NLGN1: variants seen among roughly 807,000 people sequenced by gnomAD.
The protein encoded by NLGN1 is neuroligin-1.
In NLGN1, 12 loss-of-function variants were observed where a neutral mutation model predicts 65.5. That is an observed-to-expected ratio of 0.18 (90% confidence interval 0.12 to 0.30). The LOEUF (loss-of-function observed/expected upper bound fraction) is 0.30, where lower values mean the gene tolerates loss of function less well. NLGN1 is among the 10% of genes least tolerant of loss of function. NLGN1 has a pLI of 1.00. For missense variants in NLGN1, 750 were observed against 1,007.1 expected, an observed-to-expected ratio of 0.74 and a Z score of 3.46; for synonymous variants, 350 against 359.5, an observed-to-expected ratio of 0.97 and a Z score of 0.30.
Position 173,758,057 on chromosome 3 carries a change from C to T in NLGN1, c.494-49623C>T, listed in dbSNP as rs550156235. ...GAAGGCAGTTAAGATTGTATGAGGT[C>T]GTAAGAGTAGGGTCCTTATCTGAAA... On this transcript the variant is annotated intron_variant, in intron 3 of 6. Transcript: ENST00000457714. Among the ~76,000 whole-genome samples, 123 of 151,892 alleles carry T rather than the reference C, an allele frequency of 8.1e-4. 1 individual carries two copies. Among genetic ancestry groups the T allele is most frequent in the African/African-American group, 2.9e-3 (121 of 41,462 alleles).
chr3:173,506,160 C>A (rs1182435263), intron 2 of NLGN1, among the ~76,000 whole-genome samples: 1 of 151,870 alleles, frequency 6.6e-6, no homozygotes, highest in Non-Finnish European at 1.5e-5. Flanking sequence ...TTTCCTTTGG[C>A]AAAAGGAATT....
intron 4 of NLGN1, among the ~76,000 whole-genome samples, chr3:174,003,191 G>T (rs1723653200): frequency 6.6e-6 from 1 of 152,128 alleles, no homozygotes. Context: ...TTATTCAGAA[G>T]AATAATATCA....
intron 4 of NLGN1, among the ~76,000 whole-genome samples, chr3:173,889,779 T>C (rs1264269486): frequency 6.8e-6 from 1 of 146,968 alleles, no homozygotes; most frequent in South Asian, 2.1e-4. Flanking sequence ...TTAATTCAGA[T>C]GCATCCAAAA....
intron 4 of NLGN1, among the ~76,000 whole-genome samples, chr3:173,843,354 C>T (rs182051178): frequency 1.3e-5 from 2 of 152,348 alleles, no homozygotes; most frequent in East Asian, 1.9e-4. Flanking sequence ...CTCCTGGTTA[C>T]TTATGCAAAT....
At chr3:173,688,444 CCT>C (rs1381606017) in intron 3 of NLGN1, among the ~76,000 whole-genome samples, 1 of 152,110 alleles carries the variant, frequency 6.6e-6, no homozygotes, top group Admixed American at 6.5e-5. Flanking sequence ...ACTTTGTATT[CCT>C]CTGAGTGCTG....
intron 3 of NLGN1, chr3:173,789,745 A>G: frequency 2.3e-6 from 1 of 435,380 alleles, no homozygotes; most frequent in Non-Finnish European, 4.6e-6. Flanking sequence ...CAATCTGGGC[A>G]TAATGTACGG....
At chr3:173,550,307 A>G (rs1740621718) in intron 2 of NLGN1, among the ~76,000 whole-genome samples, 1 of 152,066 alleles carries the variant, frequency 6.6e-6, no homozygotes, top group Non-Finnish European at 1.5e-5. Flanking sequence ...TGATTAGATA[A>G]TGGGATAAAA....
intron 2 of NLGN1, among the ~76,000 whole-genome samples, chr3:173,455,646 A>T (rs893007398): frequency 6.6e-6 from 1 of 152,206 alleles, no homozygotes; most frequent in Non-Finnish European, 1.5e-5. Flanking sequence ...TTTATAAAAA[A>T]AATGCACTAT....
At chr3:174,150,802 A>G (rs1192382888) in intron 4 of NLGN1, among the ~76,000 whole-genome samples, 1 of 152,162 alleles carries the variant, frequency 6.6e-6, no homozygotes. Context: ...TGGAGAATAC[A>G]GTGGCATAGG....
intron 4 of NLGN1, among the ~76,000 whole-genome samples, chr3:173,826,036 T>A (rs1162765611): frequency 6.6e-6 from 1 of 152,040 alleles, no homozygotes; most frequent in Non-Finnish European, 1.5e-5. Flanking sequence ...TAGTTTTTTT[T>A]AACAACTAAA....
chr3:173,866,518 G>A (rs116315247), intron 4 of NLGN1, among the ~76,000 whole-genome samples: 4,715 of 152,224 alleles, frequency 0.031, 96 homozygotes, highest in African/African-American at 0.062. Flanking sequence ...GAAATTGGGC[G>A]TATGTTTGCT....
intron 3 of NLGN1, among the ~76,000 whole-genome samples, chr3:173,635,813 T>C (rs1344897474): frequency 2.6e-5 from 4 of 152,156 alleles, no homozygotes; most frequent in African/African-American, 9.6e-5. Context: ...GGACTTAAGT[T>C]AATTGGATAA....
chr3:174,003,909 A>G lies in NLGN1; in HGVS notation c.646+196077A>G, dbSNP rs540496388. Among the ~76,000 whole-genome samples, 118 of 152,316 alleles carry G rather than the reference A, an allele frequency of 7.7e-4. No individual in the cohort carries two copies. The Middle Eastern group carries it at 0.01, about 13-fold the overall frequency. On this transcript the variant is annotated intron_variant, in intron 4 of 6. Coordinates refer to ENST00000457714, the Ensembl canonical transcript of NLGN1. ...TTATATGTGATATGTAACGCATTTA[A>G]TCAGATTTGTTTGATGAAAGCGTAC... is the stretch of plus-strand genomic sequence containing the variant.
chr3:173,856,101 T>C (rs2150768457), intron 4 of NLGN1, among the ~76,000 whole-genome samples: 1 of 152,234 alleles, frequency 6.6e-6, no homozygotes, highest in Admixed American at 6.6e-5. Flanking sequence ...ATCAGGATCT[T>C]GAGGCATTCC....
intron 2 of NLGN1, among the ~76,000 whole-genome samples, chr3:173,498,282 C>A (rs1384236807): frequency 1.3e-5 from 2 of 151,492 alleles, no homozygotes; most frequent in Non-Finnish European, 2.9e-5. Context: ...TCAATTCCCA[C>A]CTATGAGTGA....
chr3:174,241,808 G>C (rs550288647), intron 4 of NLGN1, among the ~76,000 whole-genome samples: 1 of 151,956 alleles, frequency 6.6e-6, no homozygotes, highest in Admixed American at 6.6e-5. Context: ...ACAGGCGCCC[G>C]CCACCACGCC....
chr3:173,691,803 C>T (rs1450638984), intron 3 of NLGN1, among the ~76,000 whole-genome samples: 3 of 151,796 alleles, frequency 2.0e-5, no homozygotes, highest in Non-Finnish European at 2.9e-5. Flanking sequence ...AATGAAACAA[C>T]GGCAACAAAT....
intron 3 of NLGN1, among the ~76,000 whole-genome samples, chr3:173,793,848 CAGAT>C (rs1481674314): frequency 6.6e-6 from 1 of 152,062 alleles, no homozygotes; most frequent in East Asian, 1.9e-4. Context: ...GTTTAAGACT[CAGAT>C]AGGGCAGAGT....
chr3:173,992,140 A>G lies in NLGN1; in HGVS notation c.646+184308A>G, dbSNP rs188505130. Among the ~76,000 whole-genome samples, 518 of 152,116 alleles carry G rather than the reference A, an allele frequency of 3.4e-3. 6 individuals are homozygous for G. Among genetic ancestry groups the G allele is most frequent in the Middle Eastern group, 0.01 (3 of 294 alleles). On this transcript the variant is annotated intron_variant, in intron 4 of 6. Coordinates refer to ENST00000457714, the Ensembl canonical transcript of NLGN1. Reference sequence around the variant, plus strand: ...CTCTAGAATAATGACTTTCAAACATATTTGCCTTTTTGCCCACAATTCATA... The same window carrying G: ...CTCTAGAATAATGACTTTCAAACATGTTTGCCTTTTTGCCCACAATTCATA...
Sources: allele counts gnomAD v4.1 joint callset (sites outside exome capture counted in the v4.1 genomes callset), GRCh38; gene constraint gnomAD v4.1.1; transcripts MANE v1.5; gene names NCBI Gene and HGNC (gene_info 2026-07-23, HGNC 2026-07-21).